COPZ2: variants seen among roughly 807,000 people sequenced by gnomAD.
COPZ2 encodes the protein coatomer subunit zeta-2.
COPZ2 carries 30 observed loss-of-function variants against 33.2 expected under a neutral mutation model. The observed-to-expected ratio is 0.90, with a 90% CI of 0.68 to 1.23. COPZ2 has a LOEUF of 1.23. COPZ2 is among the 50% of genes most tolerant of loss of function. COPZ2 has a pLI of 0.00. For synonymous variants in COPZ2, 89 were observed against 102.6 expected (o/e 0.87, Z 0.80); for missense variants, 263 against 262.4 (o/e 1.00, Z -0.02).
At chr17:48,027,031 CAGG>C (rs1204706850) in intron 8 of COPZ2, among the ~76,000 whole-genome samples, 1 of 152,236 alleles carries the variant, frequency 6.6e-6, no homozygotes, top group Non-Finnish European at 1.5e-5. Context: ...AATACCAAAG[CAGG>C]AGAGGGGGAC....
At chr17:48,042,300 A>AT (rs1232991611), upstream of COPZ2, among the ~76,000 whole-genome samples, 5 of 151,386 alleles carry the variant, frequency 3.3e-5, no homozygotes, top group South Asian at 2.1e-4. Flanking sequence ...CACCCAGCTA[A>AT]TTTTTTTTAT....
At chr17:48,026,541 G>C in intron 8 of COPZ2, 66 bp from the exon 9 acceptor site, 2 of 1,239,442 alleles carry the variant, frequency 1.6e-6, no homozygotes, top group Non-Finnish European at 2.4e-6. Flanking sequence ...CACAGTCATG[G>C]GGAGGTCCAC....
At position 48,033,848 on chromosome 17, in the gene COPZ2, G is replaced by C. The variant is rs374032026; in HGVS notation, c.268+15C>G. 18 of 1,586,976 alleles carry C rather than the reference G, an allele frequency of 1.1e-5. No homozygotes were observed. Among genetic ancestry groups the C allele is most frequent in the Non-Finnish European group, 1.6e-5 (18 of 1,160,158 alleles). ...TGCATCTGATAGTCTGCTGGAGGAA[G>C]AGGGGGACACTTACTCTCAGTCCGG... On this transcript the variant is annotated intron_variant, in intron 3 of 8. Coordinates refer to ENST00000621465, the MANE Select transcript of COPZ2 (RefSeq NM_016429.4).
At chr17:48,032,274 G>T in intron 5 of COPZ2, 41 bp from the exon 6 acceptor site, 1 of 1,561,610 alleles carries the variant, frequency 6.4e-7, no homozygotes, top group Non-Finnish European at 8.8e-7. Context: ...CTGTGGCTGG[G>T]AGGAACTGAG....
At chr17:48,026,528 A>C (rs1415913984) in intron 8 of COPZ2, 53 bp from the exon 9 acceptor site, 1 of 1,337,076 alleles carries the variant, frequency 7.5e-7, no homozygotes, top group Non-Finnish European at 1.1e-6. Context: ...AAATGCCTCC[A>C]TACACAGTCA....
intron 6 of COPZ2, among the ~76,000 whole-genome samples, chr17:48,031,405 T>TCACGCCA (rs2036892493): frequency 6.7e-6 from 1 of 148,804 alleles, no homozygotes; most frequent in Non-Finnish European, 1.5e-5. Context: ...TGAGCCGAGA[T>TCACGCCA]CACGCCACTT....
At chr17:48,031,863 A>G (rs2036899317) in intron 6 of COPZ2, 1 of 457,466 alleles carries the variant, frequency 2.2e-6, no homozygotes, top group Admixed American at 3.5e-5. Context: ...TCCCCTGGGC[A>G]TTGGAGACCA....
chr17:48,039,887 C>G (rs574664024), upstream of COPZ2, among the ~76,000 whole-genome samples: 41 of 151,980 alleles, frequency 2.7e-4, no homozygotes, highest in African/African-American at 9.2e-4. Context: ...TTTGGAAGGC[C>G]GAGACAGGCG....
Position 48,026,395 on chromosome 17 carries a change from T to TTTTGCCTGCCC in COPZ2, c.*32_*33insGGGCAGGCAAA. The TTTTGCCTGCCC allele has an allele frequency of 1.3e-6, 2 of 1,576,364 alleles. No homozygotes were observed. On this transcript the variant is annotated 3_prime_UTR_variant, in exon 9 of 9. Transcript: ENST00000621465. ...GCTTTTGCCAGGATTGGGGAAATGA[T>TTTTGCCTGCCC]CTGGGGGGCAGGGAGCCTTGAATCC...
the COPZ2 span, among the ~76,000 whole-genome samples, chr17:48,044,512 C>T: frequency 7.1e-6 from 1 of 141,338 alleles, no homozygotes; most frequent in Non-Finnish European, 1.5e-5. Context: ...TTACAAAATA[C>T]TGATGTCCAA....
rs1395181246 is a variant in COPZ2 at position 48,037,790 on chromosome 17, C to G, written c.-13G>C. 8 of 998,006 alleles carry G rather than the reference C, an allele frequency of 8.0e-6. No homozygotes were observed. Among genetic ancestry groups the G allele is most frequent in the Middle Eastern group, 5.0e-4 (1 of 2,016 alleles). The allele number at this position is 998,006 out of a possible 1,614,324, so 61.8% of individuals were successfully genotyped here. A position where few individuals can be genotyped will look rare whatever the true frequency, so the allele number is the denominator to read the frequency against. On this transcript the variant is annotated 5_prime_UTR_variant, in exon 1 of 9. Coordinates refer to ENST00000621465, the MANE Select transcript of COPZ2 (RefSeq NM_016429.4). This position sits in a 1 kb window ranked among gnomAD's most constrained non-coding sequence, Gnocchi z 5.6. ...CGGGCCGCTGCATTCCGCTCGCCGC[C>G]TCGCACTGACAGCGCCGCCCGCCGC...
intron 2 of COPZ2, among the ~76,000 whole-genome samples, chr17:48,034,528 TAA>T (rs2036948796): frequency 1.3e-5 from 2 of 152,324 alleles, no homozygotes; most frequent in South Asian, 4.1e-4. Context: ...TGCAGGGTGC[TAA>T]GGATTGGCAT....
At chr17:48,039,239 G>A (rs2037036713), upstream of COPZ2, among the ~76,000 whole-genome samples, 1 of 152,100 alleles carries the variant, frequency 6.6e-6, no homozygotes, top group South Asian at 2.1e-4. Context: ...GGGAGGCTGA[G>A]GTGGGCAGAA....
chr17:48,042,424 G>A (rs1470219870), upstream of COPZ2, among the ~76,000 whole-genome samples: 1 of 151,678 alleles, frequency 6.6e-6, no homozygotes, highest in South Asian at 2.1e-4. Flanking sequence ...GTGAACCACC[G>A]CGCCTGGCCT....
chr17:48,033,171 T>A, intron 4 of COPZ2, 40 bp downstream of exon 4: 1 of 1,356,294 alleles, frequency 7.4e-7, no homozygotes, highest in Non-Finnish European at 1.0e-6. Context: ...CATTTCCCCA[T>A]AGACAGACCC....
chr17:48,031,697 C>G (rs999582002), intron 6 of COPZ2: 3 of 180,532 alleles, frequency 1.7e-5, no homozygotes, highest in African/African-American at 7.1e-5. Context: ...TTACCTCCAT[C>G]CTAAAGATGG....
At chr17:48,044,156 G>T in the COPZ2 span, among the ~76,000 whole-genome samples, 1 of 152,124 alleles carries the variant, frequency 6.6e-6, no homozygotes, top group African/African-American at 2.4e-5. Context: ...AGACCAGCCT[G>T]GCCAACATGG....
Position 48,037,285 on chromosome 17 carries a change from G to C in COPZ2, c.112-360C>G. Reference sequence around the variant, plus strand: ...TCCTTCTTCCAGCTGATCCCTGGCCGGGCTGGACCTGCGCTATCAGCGCGC... The same window carrying C: ...TCCTTCTTCCAGCTGATCCCTGGCCCGGCTGGACCTGCGCTATCAGCGCGC... On this transcript the variant is annotated intron_variant, in intron 1 of 8. Coordinates refer to ENST00000621465, the MANE Select transcript of COPZ2 (RefSeq NM_016429.4). The surrounding 1 kb of genome is among the most constrained non-coding windows in gnomAD (Gnocchi z 5.6). 1.9e-6 allele frequency: 1 copy of C among 523,694 alleles called. No homozygotes were observed. The highest frequency in any genetic ancestry group is 1.6e-5 in the South Asian group (1 of 62,718). 32.4% of individuals were successfully genotyped at this position (523,694 alleles called of 1,614,324 possible).
the COPZ2 span, chr17:48,047,624 C>T: frequency 1.4e-5 from 2 of 140,636 alleles, no homozygotes; most frequent in Admixed American, 7.2e-5. Context: ...TTACCCCACA[C>T]CTCTCACACC....
Sources: gnomAD v4.1 joint callset for allele counts (sites outside exome capture counted in the v4.1 genomes callset) on GRCh38, gnomAD v4.1.1 for gene constraint, Gnocchi (gnomAD v3.1) non-coding constraint, MANE v1.5 for transcripts, NCBI Gene and HGNC (gene_info 2026-07-23, HGNC 2026-07-21) for gene names.